CNTNAP2: variants seen among roughly 807,000 people sequenced by gnomAD.
CNTNAP2 encodes contactin associated protein 2, also known as contactin-associated protein-like 2.
A neutral mutation model predicts 155.2 loss-of-function variants in CNTNAP2; 98 were observed. That is an observed-to-expected ratio of 0.63 (90% CI 0.54 to 0.75). The LOEUF is 0.75. Ranked by LOEUF, CNTNAP2 falls within the 30% of genes least tolerant of loss-of-function variation. CNTNAP2 has a pLI of 0.00. For synonymous variants in CNTNAP2, 651 were observed against 631.2 expected, an observed-to-expected ratio of 1.03 and a Z score of -0.47; for missense variants, 1,727 against 1,688.1, an observed-to-expected ratio of 1.02 and a Z score of -0.40.
intron 1 of CNTNAP2, among the ~76,000 whole-genome samples, chr7:146,410,268 C>G (rs1432447388): frequency 6.6e-6 from 1 of 152,002 alleles, no homozygotes; most frequent in Non-Finnish European, 1.5e-5. Flanking sequence ...CCAGCCATAC[C>G]CAATTGTGTA....
chr7:147,277,431 T>A (rs933900434), intron 8 of CNTNAP2, among the ~76,000 whole-genome samples: 26 of 151,996 alleles, frequency 1.7e-4, no homozygotes, highest in African/African-American at 6.0e-4. Context: ...AAAGACTAGA[T>A]AAACTTAATT....
intron 12 of CNTNAP2, among the ~76,000 whole-genome samples, chr7:147,618,282 C>T (rs145951005): frequency 1.3e-5 from 2 of 152,250 alleles, no homozygotes; most frequent in African/African-American, 4.8e-5. Flanking sequence ...GACCATAAGG[C>T]AGCTAAGGAA....
chr7:147,880,128 G>A (rs1799493527), intron 13 of CNTNAP2, among the ~76,000 whole-genome samples: 1 of 152,170 alleles, frequency 6.6e-6, no homozygotes. Flanking sequence ...TTTGAGAAGT[G>A]GTCAGAATTT....
chr7:146,866,318 CT>C (rs1466851036), intron 3 of CNTNAP2, among the ~76,000 whole-genome samples: 1 of 151,922 alleles, frequency 6.6e-6, no homozygotes, highest in Admixed American at 6.6e-5. Flanking sequence ...AAATATTTAT[CT>C]CATTGTTTTC....
rs112129559 is a variant in CNTNAP2, at chr7:146,396,355, T to C, written c.97+279382T>C. On this transcript the variant is annotated intron_variant, in intron 1 of 23. Coordinates refer to ENST00000361727, the MANE Select transcript of CNTNAP2 (RefSeq NM_014141.6). ...AATTTAATCATATGATATTTTAAAA[T>C]AAGATATTAAGCAAGAAAACACAGC... 7.2e-3 allele frequency among the ~76,000 whole-genome samples: 1,091 copies of C among 152,178 alleles called. 13 individuals carry two copies. Among genetic ancestry groups the C allele is most frequent in the African/African-American group, 0.025 (1,035 of 41,564 alleles).
chr7:147,326,509 G>T (rs1159171719), intron 9 of CNTNAP2, among the ~76,000 whole-genome samples: 1 of 152,146 alleles, frequency 6.6e-6, no homozygotes, highest in Non-Finnish European at 1.5e-5. Flanking sequence ...ACAAATATTT[G>T]TTTGAGCCTC....
intron 1 of CNTNAP2, among the ~76,000 whole-genome samples, chr7:146,191,437 A>G (rs1369562350): frequency 6.6e-6 from 1 of 152,172 alleles, no homozygotes; most frequent in Admixed American, 6.5e-5. Context: ...TAAAATTGCT[A>G]ATGAAGTTTT....
chr7:148,231,413 A>G (rs972616463), intron 20 of CNTNAP2, among the ~76,000 whole-genome samples: 2 of 152,226 alleles, frequency 1.3e-5, no homozygotes, highest in Non-Finnish European at 2.9e-5. Flanking sequence ...TTGTTGGGGA[A>G]AATTCCTAGG....
At chr7:147,488,276 G>A (rs1172035436) in intron 11 of CNTNAP2, among the ~76,000 whole-genome samples, 1 of 152,210 alleles carries the variant, frequency 6.6e-6, no homozygotes, top group African/African-American at 2.4e-5. Flanking sequence ...AGAACGAAGT[G>A]CGAAGGCCCC....
intron 1 of CNTNAP2, among the ~76,000 whole-genome samples, chr7:146,502,205 T>TTG (rs1246649725): frequency 8.7e-6 from 1 of 114,670 alleles, no homozygotes; most frequent in African/African-American, 4.8e-5. Flanking sequence ...TAATATTCCA[T>TTG]TGTGTGTGTA....
chr7:148,065,428 C>A (rs1803237869), intron 15 of CNTNAP2, among the ~76,000 whole-genome samples: 1 of 152,098 alleles, frequency 6.6e-6, no homozygotes, highest in African/African-American at 2.4e-5. Flanking sequence ...TATCTCATTT[C>A]TTAGGTCTAG....
chr7:146,679,519 C>A (rs542334239), intron 1 of CNTNAP2, among the ~76,000 whole-genome samples: 4 of 151,876 alleles, frequency 2.6e-5, no homozygotes, highest in Non-Finnish European at 4.4e-5. Context: ...ACACGCCCAG[C>A]TAATTTTTTG....
At chr7:147,372,582 C>G (rs972798596) in intron 9 of CNTNAP2, among the ~76,000 whole-genome samples, 5 of 152,094 alleles carry the variant, frequency 3.3e-5, no homozygotes, top group Non-Finnish European at 4.4e-5. Flanking sequence ...CAGTAGCACT[C>G]AATACTCAGT....
At chr7:146,619,982 C>A (rs347223) in intron 1 of CNTNAP2, among the ~76,000 whole-genome samples, 1 of 152,012 alleles carries the variant, frequency 6.6e-6, no homozygotes, top group Non-Finnish European at 1.5e-5. Context: ...TGTAAACTTA[C>A]GTTCTCACAA....
intron 1 of CNTNAP2, among the ~76,000 whole-genome samples, chr7:146,156,545 A>T (rs73452055): frequency 0.019 from 2,823 of 152,194 alleles, 80 homozygotes; most frequent in African/African-American, 0.063. Flanking sequence ...ACAGCTATTA[A>T]ATTATTGTTA....
At chr7:146,928,767 G>C (rs560205983) in intron 3 of CNTNAP2, among the ~76,000 whole-genome samples, 6 of 152,174 alleles carry the variant, frequency 3.9e-5, no homozygotes, top group African/African-American at 1.4e-4. Context: ...TTAAAAAGCG[G>C]TGCACCAGGA....
chr7:147,769,890 A>G lies in CNTNAP2; in HGVS notation c.2098+130584A>G, dbSNP rs532878256. Among the ~76,000 whole-genome samples, 17 of 152,296 alleles carry G rather than the reference A, an allele frequency of 1.1e-4. No homozygotes were observed. The East Asian group carries it at 2.9e-3, about 26-fold the overall frequency. On this transcript the variant is annotated intron_variant, in intron 13 of 23. Coordinates refer to ENST00000361727, the MANE Select transcript of CNTNAP2 (RefSeq NM_014141.6). The stretch of plus-strand genomic sequence containing the variant: ...GAGATGATGATCGTAACCAATTTCT[A>G]GGAGTGTTGAGATTAAATAAGCTAG...
At chr7:147,712,896 T>A (rs181425320) in intron 13 of CNTNAP2, among the ~76,000 whole-genome samples, 2,504 of 152,188 alleles carry the variant, frequency 0.016, 223 homozygotes, top group Admixed American at 0.15. Flanking sequence ...AGTATAATAA[T>A]AAAAAAATTT....
At chr7:146,451,007 C>T (rs574896582) in intron 1 of CNTNAP2, among the ~76,000 whole-genome samples, 20 of 151,908 alleles carry the variant, frequency 1.3e-4, no homozygotes, top group Admixed American at 5.2e-4. Flanking sequence ...AGTGCAGTGG[C>T]GTGGTCTTGG....
Sources: allele counts gnomAD v4.1 joint callset (sites outside exome capture counted in the v4.1 genomes callset), GRCh38; gene constraint gnomAD v4.1.1; transcripts MANE v1.5; gene names NCBI Gene and HGNC (gene_info 2026-07-23, HGNC 2026-07-21).